The following UNC5C variants were observed in gnomAD, a reference collection of about 807,000 sequenced individuals.
UNC5C encodes unc-5 netrin receptor C.
In UNC5C, 47 loss-of-function variants were observed where a neutral mutation model predicts 99.8. That is an observed-to-expected ratio of 0.47 (90% confidence interval 0.37 to 0.60). The LOEUF is 0.60. UNC5C is among the 20% of genes least tolerant of loss of function. The pLI, the probability that UNC5C is intolerant of heterozygous loss-of-function variation, is 0.00. For synonymous variants in UNC5C, 487 were observed against 452.2 expected (o/e 1.08, Z -0.98); for missense variants, 1,062 against 1,165.9 (o/e 0.91, Z 1.30).
intron 1 of UNC5C, among the ~76,000 whole-genome samples, chr4:95,493,957 A>G (rs1001916260): frequency 5.3e-5 from 8 of 151,464 alleles, no homozygotes; most frequent in Non-Finnish European, 8.9e-5. Context: ...TAAAAATTGT[A>G]TCTGCCAAAG....
At chr4:95,471,731 G>GC (rs1481517843) in intron 1 of UNC5C, among the ~76,000 whole-genome samples, 1 of 152,074 alleles carries the variant, frequency 6.6e-6, no homozygotes, top group Non-Finnish European at 1.5e-5. Flanking sequence ...TTGAGGGGAT[G>GC]CCCCTGTTAA....
intron 2 of UNC5C, among the ~76,000 whole-genome samples, chr4:95,324,954 C>A (rs1295856019): frequency 6.6e-6 from 1 of 152,140 alleles, no homozygotes; most frequent in African/African-American, 2.4e-5. Context: ...ACACTTTCTC[C>A]AAAACGGGAA....
At chr4:95,320,211 C>T (rs1487741980) in intron 2 of UNC5C, among the ~76,000 whole-genome samples, 1 of 152,050 alleles carries the variant, frequency 6.6e-6, no homozygotes, top group African/African-American at 2.4e-5. Flanking sequence ...CGCCTGAGGT[C>T]AGGAGTTCGA....
rs1162923313 is a variant in UNC5C, at chr4:95,245,011, A to C, written c.909T>G (p.Ser303Arg). 1.2e-6 allele frequency: 2 copies of C among 1,613,650 alleles called. No individual in the cohort carries two copies. The highest frequency in any genetic ancestry group is 1.7e-6 in the Non-Finnish European group (2 of 1,179,924). ...ACGTAGTACAGGCTATTTTCTGCAC[A>C]CTCTGCCCTTCACAGAAGGCACCCC... ...LNGGAFCEGQ[S>R]VQKIACTTLC... Residue 303 changes from serine to arginine, a missense_variant, in exon 6 of 16, where the codon AGT (serine) becomes AGG (arginine). By Grantham distance (110) the Ser-to-Arg change is moderately radical. Coordinates refer to ENST00000453304, the MANE Select transcript of UNC5C (RefSeq NM_003728.4).
intron 1 of UNC5C, among the ~76,000 whole-genome samples, chr4:95,478,946 T>C (rs181090796): frequency 6.6e-6 from 1 of 151,986 alleles, no homozygotes; most frequent in Admixed American, 6.6e-5. Context: ...CTTCCTGCTT[T>C]CTCTCCTATT....
chr4:95,540,248 G>A (rs1223025519), intron 1 of UNC5C, among the ~76,000 whole-genome samples: 1 of 152,086 alleles, frequency 6.6e-6, no homozygotes, highest in African/African-American at 2.4e-5. Context: ...TGCAAATCAA[G>A]ACTCTATTTA....
intron 1 of UNC5C, among the ~76,000 whole-genome samples, chr4:95,508,200 T>G (rs1206091848): frequency 6.6e-6 from 1 of 151,992 alleles, no homozygotes; most frequent in Non-Finnish European, 1.5e-5. Context: ...GATCTACACA[T>G]GCCAGCTCCA....
At chr4:95,289,639 T>C (rs1448859065) in intron 3 of UNC5C, among the ~76,000 whole-genome samples, 1 of 152,228 alleles carries the variant, frequency 6.6e-6, no homozygotes, top group African/African-American at 2.4e-5. Flanking sequence ...CTCAAAGTAA[T>C]AATACTGTGT....
At chr4:95,207,605 G>A (rs1223926036) in intron 10 of UNC5C, among the ~76,000 whole-genome samples, 1 of 152,130 alleles carries the variant, frequency 6.6e-6, no homozygotes, top group Non-Finnish European at 1.5e-5. Flanking sequence ...GCTAGTTAGT[G>A]CTGAGATGAA....
At chr4:95,233,446 A>G (rs939393985) in intron 7 of UNC5C, among the ~76,000 whole-genome samples, 2 of 152,208 alleles carry the variant, frequency 1.3e-5, no homozygotes, top group African/African-American at 4.8e-5. Context: ...ACTAAAATCT[A>G]TAGGAATGGT....
At chr4:95,520,151 C>CA (rs1460739715) in intron 1 of UNC5C, among the ~76,000 whole-genome samples, 1 of 152,174 alleles carries the variant, frequency 6.6e-6, no homozygotes, top group Non-Finnish European at 1.5e-5. Context: ...TCTAAATACT[C>CA]AACCTAGGAA....
At chr4:95,314,159 T>C (rs78478970) in intron 2 of UNC5C, among the ~76,000 whole-genome samples, 2 of 152,310 alleles carry the variant, frequency 1.3e-5, no homozygotes, top group East Asian at 3.9e-4. Context: ...AATTGAAAAC[T>C]ATATTAGTCA....
chr4:95,232,311 T>C (rs1232658816), intron 7 of UNC5C, among the ~76,000 whole-genome samples: 1 of 151,396 alleles, frequency 6.6e-6, no homozygotes, highest in Non-Finnish European at 1.5e-5. Context: ...TATTATATAA[T>C]GGACTCTATC....
chr4:95,500,907 G>T (rs1201966621), intron 1 of UNC5C, among the ~76,000 whole-genome samples: 1 of 151,986 alleles, frequency 6.6e-6, no homozygotes, highest in African/African-American at 2.4e-5. Context: ...GGCATATCAT[G>T]TGCTATTACA....
intron 12 of UNC5C, among the ~76,000 whole-genome samples, chr4:95,187,294 CTAATT>C (rs1330404111): frequency 2.6e-5 from 4 of 152,158 alleles, no homozygotes; most frequent in Non-Finnish European, 5.9e-5. Context: ...TCCATATGCC[CTAATT>C]ACCTCATCAA....
At chr4:95,447,568 T>G (rs1435704597) in intron 1 of UNC5C, among the ~76,000 whole-genome samples, 1 of 151,994 alleles carries the variant, frequency 6.6e-6, no homozygotes, top group Admixed American at 6.5e-5. Context: ...TGGCGCAATC[T>G]CGGCTTACTG....
At chr4:95,421,726 A>G (rs1338099505) in intron 1 of UNC5C, among the ~76,000 whole-genome samples, 5 of 152,082 alleles carry the variant, frequency 3.3e-5, no homozygotes, top group Admixed American at 6.5e-5. Flanking sequence ...ATAATTTACT[A>G]TAACTATTTC....
chr4:95,482,873 G>T (rs556086129), intron 1 of UNC5C, among the ~76,000 whole-genome samples: 2 of 120,676 alleles, frequency 1.7e-5, no homozygotes, highest in Non-Finnish European at 3.4e-5. Flanking sequence ...GTGGGCGGAG[G>T]GGGGAGGGAT....
intron 1 of UNC5C, among the ~76,000 whole-genome samples, chr4:95,525,874 G>A (rs923434034): frequency 5.9e-5 from 9 of 152,004 alleles, no homozygotes; most frequent in South Asian, 2.1e-4. Flanking sequence ...TCTTGTTCCC[G>A]GTTTAACAAA....
Sources: gnomAD v4.1 joint callset for allele counts (sites outside exome capture counted in the v4.1 genomes callset) on GRCh38, gnomAD v4.1.1 for gene constraint, MANE v1.5 for transcripts, NCBI Gene and HGNC (gene_info 2026-07-23, HGNC 2026-07-21) for gene names.